RANBP2: variants seen among roughly 807,000 people sequenced by gnomAD.
RANBP2 encodes E3 SUMO-protein ligase RanBP2.
A neutral mutation model predicts 303.6 loss-of-function variants in RANBP2; 57 were observed. The observed-to-expected ratio is 0.19, with a 90% CI of 0.15 to 0.23. The LOEUF (loss-of-function observed/expected upper bound fraction) is 0.23. RANBP2 is among the 10% of genes least tolerant of loss of function. The pLI is 1.00. For synonymous variants in RANBP2, 1,167 were observed against 1,301.5 expected, an observed-to-expected ratio of 0.90 and a Z score of 2.23; for missense variants, 3,138 against 3,780.8, an observed-to-expected ratio of 0.83 and a Z score of 4.46.
At chr2:109,156,268 A>G in the RANBP2 span, among the ~76,000 whole-genome samples, 2 of 152,226 alleles carry the variant, frequency 1.3e-5, no homozygotes, top group Non-Finnish European at 2.9e-5. Flanking sequence ...TCCAACCACC[A>G]GAGATCGAGT....
At chr2:109,546,817 T>C in the RANBP2 span, among the ~76,000 whole-genome samples, 11 of 152,146 alleles carry the variant, frequency 7.2e-5, no homozygotes, top group African/African-American at 2.7e-4. Flanking sequence ...GCTTTACATA[T>C]AAAAATACTC....
chr2:109,187,878 C>T, the RANBP2 span, among the ~76,000 whole-genome samples: 150 of 152,274 alleles, frequency 9.9e-4, no homozygotes, highest in African/African-American at 3.2e-3. Flanking sequence ...CTCTTCCTGC[C>T]GCCGTCACCG....
At chr2:109,616,442 T>G in the RANBP2 span, 28 of 172,064 alleles carry the variant, frequency 1.6e-4, no homozygotes, top group Non-Finnish European at 2.6e-4. Context: ...GTATCTGATT[T>G]TATAAGGGGT....
At chr2:109,564,266 G>A in the RANBP2 span, 1 of 1,102,718 alleles carries the variant, frequency 9.1e-7, no homozygotes, top group Non-Finnish European at 1.2e-6. Flanking sequence ...ATGGTTTTGG[G>A]AGATTCTAAA....
intron 25 of RANBP2, 72 bp downstream of exon 25, chr2:108,777,303 T>C (rs1677956570): frequency 9.9e-7 from 1 of 1,012,134 alleles, no homozygotes; most frequent in South Asian, 1.6e-5. Context: ...TAGTTTTTTG[T>C]TGCAGTATAT....
the RANBP2 span, among the ~76,000 whole-genome samples, chr2:109,403,941 G>A: frequency 1.1e-3 from 165 of 152,330 alleles, 1 homozygote; most frequent in African/African-American, 3.8e-3. Context: ...GCCCTCCTTG[G>A]TAGGTGTACC....
At chr2:109,303,401 C>T in the RANBP2 span, among the ~76,000 whole-genome samples, 8 of 152,338 alleles carry the variant, frequency 5.3e-5, no homozygotes, top group African/African-American at 1.7e-4. Flanking sequence ...TTTTCTCCTT[C>T]GCTCACACTA....
At chr2:109,518,670 G>A in the RANBP2 span, among the ~76,000 whole-genome samples, 1 of 152,114 alleles carries the variant, frequency 6.6e-6, no homozygotes, top group African/African-American at 2.4e-5. Context: ...TTTTTTTAAT[G>A]CATTCTCACA....
the RANBP2 span, among the ~76,000 whole-genome samples, chr2:108,913,169 T>TCC: frequency 4.5e-4 from 68 of 152,242 alleles, no homozygotes; most frequent in Admixed American, 2.5e-3. Context: ...CAGGATGGGC[T>TCC]CGATCTCCTG....
At chr2:109,593,870 T>C in the RANBP2 span, among the ~76,000 whole-genome samples, 4 of 152,190 alleles carry the variant, frequency 2.6e-5, no homozygotes, top group Non-Finnish European at 5.9e-5. Context: ...ACTAAAATAA[T>C]CATTTATAGA....
the RANBP2 span, among the ~76,000 whole-genome samples, chr2:109,277,996 G>T: frequency 7.8e-6 from 1 of 127,858 alleles, no homozygotes; most frequent in Non-Finnish European, 1.6e-5. Flanking sequence ...GCAACAAGGA[G>T]ACCCTGTCTC....
At chr2:109,697,812 T>C in the RANBP2 span, among the ~76,000 whole-genome samples, 1 of 150,482 alleles carries the variant, frequency 6.6e-6, no homozygotes, top group Non-Finnish European at 1.5e-5. Flanking sequence ...TTCATTATCT[T>C]AGGAGGAAAG....
At chr2:109,579,734 C>G in the RANBP2 span, among the ~76,000 whole-genome samples, 3 of 151,944 alleles carry the variant, frequency 2.0e-5, no homozygotes, top group Non-Finnish European at 4.4e-5. Context: ...GGAAAAATAA[C>G]TCTAATCTTA....
At chr2:108,835,630 A>G in the RANBP2 span, among the ~76,000 whole-genome samples, 1 of 152,250 alleles carries the variant, frequency 6.6e-6, no homozygotes, top group South Asian at 2.1e-4. Context: ...TGGTCCACCC[A>G]TATAATTTCT....
the RANBP2 span, among the ~76,000 whole-genome samples, chr2:109,113,869 C>G: frequency 2.6e-5 from 4 of 152,186 alleles, no homozygotes; most frequent in Admixed American, 1.3e-4. Context: ...TGTCAAAGAC[C>G]TCTTCTGCAT....
chr2:109,582,827 G>A, the RANBP2 span, among the ~76,000 whole-genome samples: 1 of 152,136 alleles, frequency 6.6e-6, no homozygotes, highest in Non-Finnish European at 1.5e-5. Context: ...TATAAAAACA[G>A]ACAAATAGAC....
the RANBP2 span, among the ~76,000 whole-genome samples, chr2:109,723,016 T>C: frequency 6.6e-6 from 1 of 152,260 alleles, no homozygotes; most frequent in Non-Finnish European, 1.5e-5. Context: ...ACGGTATTTC[T>C]GCTTCTAGAT....
chr2:109,392,550 C>A, the RANBP2 span, among the ~76,000 whole-genome samples: 1 of 151,992 alleles, frequency 6.6e-6, no homozygotes, highest in Non-Finnish European at 1.5e-5. Flanking sequence ...CGCACTGTTG[C>A]CCAGGCTGAG....
At chr2:109,280,832 G>A in the RANBP2 span, among the ~76,000 whole-genome samples, 4 of 152,174 alleles carry the variant, frequency 2.6e-5, no homozygotes, top group East Asian at 1.9e-4. Context: ...AACAGTGGTC[G>A]GCTGTTTTAT....
Sources: gnomAD v4.1 joint callset for allele counts (sites outside exome capture counted in the v4.1 genomes callset) on GRCh38, gnomAD v4.1.1 for gene constraint, MANE v1.5 for transcripts, NCBI Gene and HGNC (gene_info 2026-07-23, HGNC 2026-07-21) for gene names.